Variants in PCDHGA12 observed in about 807,000 individuals in gnomAD.
PCDHGA12 encodes the protein protocadherin gamma subfamily A, 12.
Under a neutral mutation model 61.1 loss-of-function variants are expected in PCDHGA12, and 43 were observed. That is an observed-to-expected ratio of 0.70 (90% CI 0.55 to 0.91). The LOEUF (loss-of-function observed/expected upper bound fraction) is 0.91. PCDHGA12 is among the 40% of genes least tolerant of loss of function. The probability of loss-of-function intolerance (pLI) is 0.00; values close to 1 mark genes in which losing one functional copy is unlikely to be tolerated. For missense variants in PCDHGA12, 1,236 were observed against 1,227.7 expected (o/e 1.01, Z -0.10); for synonymous variants, 520 against 542.9 (o/e 0.96, Z 0.59).
chr5:141,489,999 G>C lies in PCDHGA12; in HGVS notation c.2425-4808G>C, dbSNP rs772783990. Reference sequence around the variant, plus strand: ...CAGTTCTACGTGTGGGAATCCCAGAGAATGCACCCATTGGTACTCTGCTGC... The same window carrying C: ...CAGTTCTACGTGTGGGAATCCCAGACAATGCACCCATTGGTACTCTGCTGC... On this transcript the variant is annotated intron_variant, in intron 1 of 3. Coordinates refer to ENST00000252085, the MANE Select transcript of PCDHGA12 (RefSeq NM_003735.3). This position sits in a 1 kb window ranked among gnomAD's most constrained non-coding sequence, Gnocchi z 4.5. 6.2e-7 allele frequency: 1 copy of C among 1,614,242 alleles called. No individual in the cohort carries two copies. Among genetic ancestry groups the C allele is most frequent in the East Asian group, 2.2e-5 (1 of 44,886 alleles).
Position 141,489,358 on chromosome 5 carries a change from G to C in PCDHGA12, c.2425-5449G>C. 1 of 1,613,144 alleles carries C rather than the reference G, an allele frequency of 6.2e-7. No homozygotes were observed. The highest frequency in any genetic ancestry group is 1.7e-4 in the Middle Eastern group (1 of 6,052). On this transcript the variant is annotated intron_variant, in intron 1 of 3. Coordinates refer to ENST00000252085, the MANE Select transcript of PCDHGA12 (RefSeq NM_003735.3). The surrounding 1 kb of genome is among the most constrained non-coding windows in gnomAD (Gnocchi z 4.5). ...TCGTTACTCAGTGGTGGAGGAGTCT[G>C]AGCCGGGGACGCTGGTGGGGAATGT...
rs1427742903 is a variant in PCDHGA12 at position 141,477,916 on chromosome 5, A to G, written c.2425-16891A>G. On this transcript the variant is annotated intron_variant, in intron 1 of 3. Coordinates refer to ENST00000252085, the MANE Select transcript of PCDHGA12 (RefSeq NM_003735.3). This position sits in a 1 kb window ranked among gnomAD's most constrained non-coding sequence, Gnocchi z 4.9. ...GGGTGGTAGGCTGGGACGCGGATGC[A>G]GGGCACAATGCCTGGCTCTCCTACA... The G allele has an allele frequency of 1.2e-6, 2 of 1,614,042 alleles. No homozygotes were observed. The highest frequency in any genetic ancestry group is 2.7e-5 in the African/African-American group (2 of 74,932).
intron 1 of PCDHGA12, among the ~76,000 whole-genome samples, chr5:141,451,395 A>G (rs2098715118): frequency 6.6e-6 from 1 of 152,184 alleles, no homozygotes; most frequent in Admixed American, 6.6e-5. Context: ...AGTTAATGGC[A>G]AAATTAAGTT....
At chr5:141,441,680 C>T in intron 1 of PCDHGA12, 1 of 295,840 alleles carries the variant, frequency 3.4e-6, no homozygotes, top group South Asian at 2.8e-5. Context: ...GCGCCTTCGA[C>T]CAAGAGCAGC....
chr5:141,498,119 T>C (rs780741291), intron 2 of PCDHGA12, among the ~76,000 whole-genome samples: 42 of 152,192 alleles, frequency 2.8e-4, no homozygotes, highest in Non-Finnish European at 4.8e-4. Flanking sequence ...AATAGGGATT[T>C]GATTTAGGGA....
chr5:141,478,011 G>A (rs1216659966), intron 1 of PCDHGA12: 1 of 1,614,088 alleles, frequency 6.2e-7, no homozygotes, highest in East Asian at 2.2e-5. Flanking sequence ...AGTACTGCCC[G>A]TCCAGTCCAA....
intron 1 of PCDHGA12, among the ~76,000 whole-genome samples, chr5:141,483,021 G>A (rs543104114): frequency 6.6e-6 from 1 of 152,126 alleles, no homozygotes; most frequent in East Asian, 1.9e-4. Context: ...GGAGGCAGAG[G>A]TTGCAATGAG....
intron 3 of PCDHGA12, among the ~76,000 whole-genome samples, 188 bp from the exon 4 acceptor site, chr5:141,510,759 G>A (rs1026623444): frequency 6.6e-5 from 10 of 152,172 alleles, no homozygotes; most frequent in African/African-American, 2.4e-4. Context: ...TCTCACTCCA[G>A]AGCCTCTTAA....
At chr5:141,439,622 TCC>T (rs1374759651) in intron 1 of PCDHGA12, among the ~76,000 whole-genome samples, 1 of 152,134 alleles carries the variant, frequency 6.6e-6, no homozygotes, top group Non-Finnish European at 1.5e-5. Context: ...AATGAGCCAA[TCC>T]CCAGACATTC....
Position 141,491,815 on chromosome 5 carries a change from C to T in PCDHGA12, c.2425-2992C>T. The T allele has an allele frequency of 6.7e-7, 1 of 1,485,264 alleles. No individual in the cohort carries two copies. Among genetic ancestry groups the T allele is most frequent in the African/African-American group, 1.4e-5 (1 of 70,622 alleles). The allele number at this position is 1,485,264 out of a possible 1,614,324, so 92.0% of individuals were successfully genotyped here. ...CCTCTCCGGCCGGCTTGGTCGCTGGCTGCGCTCCACCCGATTCTCGGGATC... is the reference window on the plus strand; with the variant it reads ...CCTCTCCGGCCGGCTTGGTCGCTGGTTGCGCTCCACCCGATTCTCGGGATC... On this transcript the variant is annotated intron_variant, in intron 1 of 3. Coordinates refer to ENST00000252085, the MANE Select transcript of PCDHGA12 (RefSeq NM_003735.3). This position sits in a 1 kb window ranked among gnomAD's most constrained non-coding sequence, Gnocchi z 6.9.
At chr5:141,446,922 T>G (rs939249512) in intron 1 of PCDHGA12, among the ~76,000 whole-genome samples, 1 of 152,220 alleles carries the variant, frequency 6.6e-6, no homozygotes, top group Non-Finnish European at 1.5e-5. Context: ...TTTATCTTCC[T>G]GATCTCTTTT....
At chr5:141,434,392 CA>C (rs1377925864) in intron 1 of PCDHGA12, among the ~76,000 whole-genome samples, 2 of 152,210 alleles carry the variant, frequency 1.3e-5, no homozygotes, top group Non-Finnish European at 2.9e-5. Context: ...TGGCCATAAA[CA>C]AAATCTCTGC....
At chr5:141,474,888 G>T (rs1349812637) in intron 1 of PCDHGA12, among the ~76,000 whole-genome samples, 1 of 152,176 alleles carries the variant, frequency 6.6e-6, no homozygotes, top group Non-Finnish European at 1.5e-5. Context: ...ACTCTTAGAG[G>T]TTCATTTCTT....
At chr5:141,481,779 C>T (rs1367771159) in intron 1 of PCDHGA12, among the ~76,000 whole-genome samples, 2 of 152,092 alleles carry the variant, frequency 1.3e-5, no homozygotes, top group Non-Finnish European at 2.9e-5. Flanking sequence ...TGGTGAAACC[C>T]CGTCTCTACT....
In PCDHGA12 at chr5:141,512,843, T is replaced by G. The variant is rs2099884463; in HGVS notation, c.*1670T>G. ...CCCTCCCCCGTACTGACTTCTCCTATAAGCGCTTCTCTTCGCATAGTCACG... is the reference window on the plus strand; with the variant it reads ...CCCTCCCCCGTACTGACTTCTCCTAGAAGCGCTTCTCTTCGCATAGTCACG... On this transcript the variant is annotated 3_prime_UTR_variant, in exon 4 of 4. Coordinates refer to ENST00000252085, the MANE Select transcript of PCDHGA12 (RefSeq NM_003735.3). 6.6e-6 allele frequency: 1 copy of G among 152,290 alleles called. No individual in the cohort carries two copies. The highest frequency in any genetic ancestry group is 1.5e-5 in the Non-Finnish European group (1 of 68,088). 9.4% of individuals were successfully genotyped at this position (152,290 alleles called of 1,614,324 possible).
At chr5:141,470,682 T>C (rs2099236741) in intron 1 of PCDHGA12, among the ~76,000 whole-genome samples, 1 of 152,138 alleles carries the variant, frequency 6.6e-6, no homozygotes, top group Non-Finnish European at 1.5e-5. Flanking sequence ...TGTTACCATC[T>C]TGAAATTCTT....
chr5:141,450,823 A>AT (rs1453980247), intron 1 of PCDHGA12, among the ~76,000 whole-genome samples: 4 of 133,078 alleles, frequency 3.0e-5, no homozygotes, highest in African/African-American at 1.2e-4. Context: ...TAATATTATT[A>AT]TTATTATTTT....
intron 1 of PCDHGA12, among the ~76,000 whole-genome samples, chr5:141,466,268 T>A (rs568525260): frequency 6.6e-6 from 1 of 152,150 alleles, no homozygotes; most frequent in Non-Finnish European, 1.5e-5. Context: ...CCTCGTGAGC[T>A]CAAGCAATCT....
rs2099694919 is a variant in PCDHGA12, at chr5:141,490,016, C to T, written c.2425-4791C>T. The T allele has an allele frequency of 6.2e-7, 1 of 1,614,158 alleles. No individual in the cohort carries two copies. The highest frequency in any genetic ancestry group is 8.5e-7 in the Non-Finnish European group (1 of 1,180,060). On this transcript the variant is annotated intron_variant, in intron 1 of 3. Transcript: ENST00000252085. This position sits in a 1 kb window ranked among gnomAD's most constrained non-coding sequence, Gnocchi z 5.4. ...ATCCCAGAGAATGCACCCATTGGTACTCTGCTGCTCCGCCTCAATGCCACT... is the reference window on the plus strand; with the variant it reads ...ATCCCAGAGAATGCACCCATTGGTATTCTGCTGCTCCGCCTCAATGCCACT...
Sources: gnomAD v4.1 joint callset for allele counts (sites outside exome capture counted in the v4.1 genomes callset) on GRCh38, gnomAD v4.1.1 for gene constraint, Gnocchi (gnomAD v3.1) non-coding constraint, MANE v1.5 for transcripts, NCBI Gene and HGNC (gene_info 2026-07-23, HGNC 2026-07-21) for gene names.